The following ASIC2 variants were observed in gnomAD, a reference collection of about 807,000 sequenced individuals.
The protein encoded by ASIC2 is acid sensing ion channel subunit 2, also known as acid-sensing ion channel 2.
Under a neutral mutation model 57.3 loss-of-function variants are expected in ASIC2, and 25 were observed. That is an observed-to-expected ratio of 0.44 (90% CI 0.32 to 0.61). The LOEUF is 0.61. ASIC2 is among the 20% of genes least tolerant of loss of function. The probability of loss-of-function intolerance (pLI) is 0.06; values close to 1 mark genes in which losing one functional copy is unlikely to be tolerated. For synonymous variants in ASIC2, 319 were observed against 307.5 expected (o/e 1.04, Z -0.39); for missense variants, 641 against 738.1 (o/e 0.87, Z 1.52).
intron 1 of ASIC2, among the ~76,000 whole-genome samples, chr17:34,077,913 G>A (rs1432011814): frequency 3.9e-5 from 6 of 152,096 alleles, no homozygotes; most frequent in Non-Finnish European, 8.8e-5. Context: ...TCAAAACCAG[G>A]TTGCAGTTGC....
intron 1 of ASIC2, among the ~76,000 whole-genome samples, chr17:33,802,593 A>T (rs1271822826): frequency 6.6e-6 from 1 of 152,228 alleles, no homozygotes; most frequent in African/African-American, 2.4e-5. Context: ...CCAACAACAG[A>T]AATACATAAC....
intron 1 of ASIC2, among the ~76,000 whole-genome samples, chr17:34,140,558 G>C (rs565789086): frequency 1.1e-4 from 16 of 152,126 alleles, no homozygotes; most frequent in African/African-American, 3.9e-4. Context: ...GGAAGGAAAT[G>C]AAGAAAATGA....
intron 1 of ASIC2, among the ~76,000 whole-genome samples, chr17:33,941,604 T>A (rs1361774626): frequency 6.6e-6 from 1 of 152,182 alleles, no homozygotes; most frequent in East Asian, 1.9e-4. Flanking sequence ...GCTCAGCATC[T>A]TCTCCACTGG....
At chr17:33,293,826 G>A (rs1254590029), upstream of ASIC2, among the ~76,000 whole-genome samples, 1 of 152,118 alleles carries the variant, frequency 6.6e-6, no homozygotes, top group Non-Finnish European at 1.5e-5. Context: ...GTGTGTATGT[G>A]TGCACTTAGT....
At chr17:33,735,688 C>A (rs931197138) in intron 1 of ASIC2, among the ~76,000 whole-genome samples, 1 of 152,094 alleles carries the variant, frequency 6.6e-6, no homozygotes, top group Non-Finnish European at 1.5e-5. Context: ...ATCCCTTTCA[C>A]AAAGTCCTCA....
chr17:33,834,920 A>G (rs2141903484), intron 1 of ASIC2, among the ~76,000 whole-genome samples: 1 of 152,316 alleles, frequency 6.6e-6, no homozygotes, highest in South Asian at 2.1e-4. Flanking sequence ...AGTATTCCAA[A>G]AAAGACAAAA....
chr17:33,352,297 T>A (rs1355595270), intron 1 of ASIC2, among the ~76,000 whole-genome samples: 1 of 152,096 alleles, frequency 6.6e-6, no homozygotes, highest in South Asian at 2.1e-4. Context: ...ACTAGCCCTG[T>A]TCTCTCCTCA....
intron 1 of ASIC2, among the ~76,000 whole-genome samples, chr17:34,139,654 C>G (rs1034175754): frequency 1.3e-5 from 2 of 152,022 alleles, no homozygotes; most frequent in Non-Finnish European, 2.9e-5. Flanking sequence ...AAATCTATCA[C>G]AAAATGCACA....
intron 1 of ASIC2, among the ~76,000 whole-genome samples, chr17:33,918,122 A>G (rs899982320): frequency 2.0e-5 from 3 of 152,168 alleles, no homozygotes; most frequent in African/African-American, 7.2e-5. Context: ...GACTTTACTT[A>G]TGATGTTTCC....
intron 1 of ASIC2, among the ~76,000 whole-genome samples, chr17:33,207,784 C>T (rs926100357): frequency 2.0e-5 from 3 of 152,184 alleles, no homozygotes; most frequent in African/African-American, 7.2e-5. Context: ...AGGAGTTGCT[C>T]TCCACCAAAG....
chr17:33,857,524 GA>G (rs1484348007), intron 1 of ASIC2, among the ~76,000 whole-genome samples: 1 of 152,160 alleles, frequency 6.6e-6, no homozygotes, highest in Non-Finnish European at 1.5e-5. Flanking sequence ...AAAACAAAAG[GA>G]AGTGAGAAGT....
intron 1 of ASIC2, among the ~76,000 whole-genome samples, chr17:34,053,747 A>C (rs7503163): frequency 0.98 from 149,918 of 152,354 alleles, 73,760 homozygotes; most frequent in East Asian, 1. Flanking sequence ...CAAACTCAGG[A>C]TGTCTGGCTT....
chr17:34,047,506 C>CA (rs765688526), intron 1 of ASIC2, among the ~76,000 whole-genome samples: 10,083 of 67,980 alleles, frequency 0.15, 1,257 homozygotes, highest in South Asian at 0.18. Context: ...CACCTTTCTC[C>CA]AGAAAAAAAA....
intron 1 of ASIC2, among the ~76,000 whole-genome samples, chr17:33,775,557 A>G (rs1031650506): frequency 3.3e-5 from 5 of 152,168 alleles, no homozygotes; most frequent in Admixed American, 1.3e-4. Flanking sequence ...GTGGGAGTTA[A>G]GCAGGTATCT....
intron 1 of ASIC2, among the ~76,000 whole-genome samples, chr17:34,138,971 A>G (rs1478763461): frequency 6.6e-6 from 1 of 152,234 alleles, no homozygotes; most frequent in Non-Finnish European, 1.5e-5. Flanking sequence ...CCAGTTGATG[A>G]GTGAAAATTC....
intron 1 of ASIC2, among the ~76,000 whole-genome samples, chr17:33,227,043 G>A (rs760333954): frequency 2.6e-5 from 4 of 151,796 alleles, no homozygotes; most frequent in Non-Finnish European, 5.9e-5. Flanking sequence ...TTGAAATCCA[G>A]TGGGTGTTTT....
At position 33,634,504 on chromosome 17, in the gene ASIC2, ACTTTTTTTT is replaced by A. The variant is rs1906281039; in HGVS notation, c.555+521465_555+521473del. ...ATACTGGATATTCAGAGAGAGAAAA[ACTTTTTTTT>A]CTTTTTTTTTTTTTTTTTTTGAGAC... On this transcript the variant is annotated intron_variant, in intron 1 of 9. Coordinates refer to the ASIC2 transcript ENST00000359872. Among the ~76,000 whole-genome samples, 50 of 147,300 alleles carry A rather than the reference ACTTTTTTTT, an allele frequency of 3.4e-4. No homozygotes were observed. In the South Asian group the frequency reaches 0.01, roughly 30 times the overall value.
chr17:33,704,309 C>A (rs1461899187), intron 1 of ASIC2, among the ~76,000 whole-genome samples: 3 of 152,186 alleles, frequency 2.0e-5, no homozygotes, highest in Non-Finnish European at 4.4e-5. Flanking sequence ...GGTATAGGAA[C>A]AAGCATGTAT....
chr17:33,422,342 CG>C lies in ASIC2; in HGVS notation c.556-310276del, dbSNP rs531901311. On this transcript the variant is annotated intron_variant, in intron 1 of 9. Coordinates refer to the ASIC2 transcript ENST00000359872. ...AGAAGACTGCTCCTGTAGCAACCCC[CG>C]TCCCCACAGCTCCACCCTGGGAAAG... Among the ~76,000 whole-genome samples the C allele has an allele frequency of 2.3e-3, 350 of 152,326 alleles. 4 individuals are homozygous for C. Among genetic ancestry groups the C allele is most frequent in the African/African-American group, 7.9e-3 (328 of 41,560 alleles).
Sources: gnomAD v4.1 joint callset for allele counts (sites outside exome capture counted in the v4.1 genomes callset) on GRCh38, gnomAD v4.1.1 for gene constraint, MANE v1.5 for transcripts, NCBI Gene and HGNC (gene_info 2026-07-23, HGNC 2026-07-21) for gene names.